The following FER1L6 variants were observed in gnomAD, a reference collection of about 807,000 sequenced individuals.
FER1L6 encodes the protein fer-1 like family member 6, also known as fer-1-like protein 6.
A neutral mutation model predicts 219.2 loss-of-function variants in FER1L6; 177 were observed. The ratio of observed to expected loss-of-function variants is 0.81; its 90% CI spans 0.71 to 0.91. The LOEUF (loss-of-function observed/expected upper bound fraction) is 0.91. FER1L6 is among the 40% of genes least tolerant of loss of function. The pLI is 0.00. For synonymous variants in FER1L6, 768 were observed against 824.3 expected (o/e 0.93, Z 1.17); for missense variants, 2,153 against 2,259.9 (o/e 0.95, Z 0.96).
intron 13 of FER1L6, among the ~76,000 whole-genome samples, chr8:124,006,691 A>C (rs1299775865): frequency 2.0e-5 from 3 of 152,314 alleles, no homozygotes; most frequent in Non-Finnish European, 2.9e-5. Flanking sequence ...ACAGGTCATC[A>C]TGTGATGACC....
chr8:124,021,271 T>G (rs1412441056), intron 16 of FER1L6, among the ~76,000 whole-genome samples: 2 of 152,180 alleles, frequency 1.3e-5, no homozygotes, highest in East Asian at 3.9e-4. Context: ...CAGCTTGGAT[T>G]CAGGTGCTGG....
intron 16 of FER1L6, 74 bp from the exon 17 acceptor site, chr8:124,021,476 T>C (rs549509039): frequency 2.0e-5 from 31 of 1,587,292 alleles, no homozygotes; most frequent in Non-Finnish European, 2.7e-5. Flanking sequence ...GACCTTCAGG[T>C]CTCTTCAGCA....
intron 5 of FER1L6, among the ~76,000 whole-genome samples, chr8:123,967,428 A>G (rs189487230): frequency 1.3e-5 from 2 of 152,314 alleles, no homozygotes; most frequent in East Asian, 3.9e-4. Flanking sequence ...ATATGCCATA[A>G]TATACTAAAC....
At chr8:124,110,959 G>C (rs542914260) in intron 39 of FER1L6, among the ~76,000 whole-genome samples, 2 of 152,052 alleles carry the variant, frequency 1.3e-5, no homozygotes, top group South Asian at 2.1e-4. Context: ...GTGCAACTTG[G>C]AGCAAAGTGC....
chr8:123,895,964 A>C (rs928127306), intron 1 of FER1L6, among the ~76,000 whole-genome samples: 3 of 152,206 alleles, frequency 2.0e-5, no homozygotes, highest in Non-Finnish European at 4.4e-5. Context: ...TACCGGGTTC[A>C]AAGGGAGGAT....
At chr8:123,937,596 T>TC (rs1814061935) in intron 1 of FER1L6, among the ~76,000 whole-genome samples, 1 of 152,202 alleles carries the variant, frequency 6.6e-6, no homozygotes, top group African/African-American at 2.4e-5. Flanking sequence ...ATTAATTTTT[T>TC]CATATAAAAT....
intron 40 of FER1L6, 71 bp downstream of exon 40, chr8:124,119,015 A>G (rs1823368673): frequency 7.8e-7 from 1 of 1,288,818 alleles, no homozygotes; most frequent in Admixed American, 1.8e-5. Context: ...GTGTCTGATA[A>G]TGGCATTTCT....
At chr8:123,985,058 G>A (rs1204676868) in intron 11 of FER1L6, 1 of 152,228 alleles carries the variant, frequency 6.6e-6, no homozygotes, top group Non-Finnish European at 1.5e-5. Flanking sequence ...GCAAATAATT[G>A]TGTATTCCCT....
At position 123,852,652 on chromosome 8, in the gene FER1L6, CAT is replaced by C. The variant is rs1438752875; in HGVS notation, c.-8+469_-8+470del. Among the ~76,000 whole-genome samples the C allele has an allele frequency of 6.6e-6, 1 of 152,080 alleles. No homozygotes were observed. The highest frequency in any genetic ancestry group is 2.1e-4 in the South Asian group (1 of 4,828). On this transcript the variant is annotated intron_variant, in intron 1 of 40. Coordinates refer to ENST00000522917, the MANE Select transcript of FER1L6 (RefSeq NM_001039112.2). This position sits in a 1 kb window ranked among gnomAD's most constrained non-coding sequence, Gnocchi z 4.9. ...TCACAAGATTGTTAGACTTTTAAAA[CAT>C]AAATTTTTATTTTACAGAAAAGTTG...
intron 35 of FER1L6, among the ~76,000 whole-genome samples, chr8:124,096,838 G>T (rs1199667214): frequency 1.3e-5 from 2 of 152,104 alleles, no homozygotes; most frequent in Non-Finnish European, 2.9e-5. Context: ...GGTCTCTGGG[G>T]TCAACACAAG....
At position 124,064,508 on chromosome 8, in the gene FER1L6, T is replaced by A. The variant is rs750119783; in HGVS notation, c.3490T>A (p.Ser1164Thr). The A allele has an allele frequency of 8.7e-6, 14 of 1,613,810 alleles. No homozygotes were observed. Among genetic ancestry groups the A allele is most frequent in the Middle Eastern group, 3.3e-4 (2 of 6,078 alleles). Reference protein sequence around the residue: ...PAILVDVPDSSPMLEPEHTPV... With the variant: ...PAILVDVPDSTPMLEPEHTPV... The stretch of plus-strand genomic sequence containing the variant: ...CATCCTGGTTGACGTCCCTGACTCA[T>A]CCCCGATGCTGGAGCCTGAACACAC... Residue 1164 changes from serine (S) to threonine (T), a missense_variant, in exon 26 of 41, where the codon TCC becomes ACC. Transcript: ENST00000522917.
At chr8:123,956,716 C>G (rs1027452886) in intron 2 of FER1L6, among the ~76,000 whole-genome samples, 1 of 152,196 alleles carries the variant, frequency 6.6e-6, no homozygotes. Flanking sequence ...TGCAATGAGG[C>G]TCTTCTGAGC....
intron 39 of FER1L6, among the ~76,000 whole-genome samples, chr8:124,105,661 G>A (rs538221326): frequency 1.6e-4 from 25 of 152,264 alleles, no homozygotes; most frequent in Admixed American, 1.2e-3. Flanking sequence ...TGGACTTAAC[G>A]GCATGGAGGT....
rs1480967601 is a variant in FER1L6 at position 124,098,821 on chromosome 8, ACT to A, written c.4883+943_4883+944del. Among the ~76,000 whole-genome samples the A allele has an allele frequency of 2.6e-5, 4 of 152,028 alleles. No homozygotes were observed. The East Asian group carries it at 7.7e-4, about 29-fold the overall frequency. On this transcript the variant is annotated intron_variant, in intron 37 of 40. Coordinates refer to ENST00000522917, the MANE Select transcript of FER1L6 (RefSeq NM_001039112.2). ...AATGTGATGAAGGCGATGTTTGTTCACTCTCTGTCTCCTTCCCTCCCACTCGC... is the reference window on the plus strand; with the variant it reads ...AATGTGATGAAGGCGATGTTTGTTCACTCTGTCTCCTTCCCTCCCACTCGC...
chr8:124,050,900 A>G (rs949499743), intron 22 of FER1L6, among the ~76,000 whole-genome samples: 1 of 152,148 alleles, frequency 6.6e-6, no homozygotes, highest in South Asian at 2.1e-4. Flanking sequence ...TGAATTTTGG[A>G]GAGTCACATT....
At chr8:124,049,543 G>A (rs939163937) in intron 21 of FER1L6, 64 bp from the exon 22 acceptor site, 1 of 1,556,226 alleles carries the variant, frequency 6.4e-7, no homozygotes. Flanking sequence ...TGATGGCATT[G>A]ATGTGGATCA....
chr8:123,965,426 C>T (rs920327526), intron 3 of FER1L6, among the ~76,000 whole-genome samples: 4 of 152,174 alleles, frequency 2.6e-5, no homozygotes, highest in Non-Finnish European at 5.9e-5. Flanking sequence ...TCTCTAAATG[C>T]CCAGGTGTTG....
chr8:124,049,000 T>C (rs915185751), intron 21 of FER1L6, among the ~76,000 whole-genome samples: 1 of 152,102 alleles, frequency 6.6e-6, no homozygotes, highest in African/African-American at 2.4e-5. Context: ...GCCCCTAAGA[T>C]AGCTTTGGGC....
chr8:124,103,239 C>T lies in FER1L6; in HGVS notation c.5219C>T (p.Thr1740Ile). ...LAKFENASEE[T>I]KISIFQQKRV... ...AAGTTTGAAAATGCAAGTGAGGAGA[C>T]CAAGATCTCTATATTCCAGCAAAAA... The change falls in exon 39 of 41, where the codon ACC (threonine) becomes ATC (isoleucine). Residue 1740 changes from threonine (T) to isoleucine (I), a missense_variant. Physicochemically the swap from Thr to Ile is moderately conservative, Grantham distance 89. Coordinates refer to ENST00000522917, the MANE Select transcript of FER1L6 (RefSeq NM_001039112.2). 3 of 1,614,080 alleles carry T rather than the reference C, an allele frequency of 1.9e-6. No individual in the cohort carries two copies. The highest frequency in any genetic ancestry group is 1.3e-5 in the African/African-American group (1 of 75,014).
Sources: gnomAD v4.1 joint callset for allele counts (sites outside exome capture counted in the v4.1 genomes callset) on GRCh38, gnomAD v4.1.1 for gene constraint, Gnocchi (gnomAD v3.1) non-coding constraint, MANE v1.5 for transcripts, NCBI Gene and HGNC (gene_info 2026-07-23, HGNC 2026-07-21) for gene names.